DNAH6: variants seen among roughly 807,000 people sequenced by gnomAD.
The protein encoded by DNAH6 is dynein axonemal heavy chain 6.
In DNAH6, 340 loss-of-function variants were observed where a neutral mutation model predicts 491.4. That is an observed-to-expected ratio of 0.69 (90% CI 0.63 to 0.76). The LOEUF (loss-of-function observed/expected upper bound fraction) is 0.76, where lower values mean the gene tolerates loss of function less well. Among genes scored for constraint, DNAH6 ranks in the 30% least tolerant of loss-of-function variants. The probability of loss-of-function intolerance (pLI) is 0.00; values close to 1 mark genes in which losing one functional copy is unlikely to be tolerated. For missense variants in DNAH6, 4,443 were observed against 4,972.2 expected (o/e 0.89, Z 3.20); for synonymous variants, 1,603 against 1,686.1 (o/e 0.95, Z 1.21).
Position 84,814,100 on chromosome 2 carries a change from A to G in DNAH6, c.12128A>G (p.Gln4043Arg). 1 of 1,551,688 alleles carries G rather than the reference A, an allele frequency of 6.4e-7. No homozygotes were observed. The highest frequency in any genetic ancestry group is 8.7e-7 in the Non-Finnish European group (1 of 1,146,972). Residue 4043 changes from glutamine to arginine, a missense_variant, in exon 75 of 77, where the codon CAA (glutamine) becomes CGA (arginine). Gln to Arg is a conservative substitution (Grantham distance 43, BLOSUM62 1). Coordinates refer to ENST00000389394, the MANE Select transcript of DNAH6 (RefSeq NM_001370.2). Reference protein sequence around the residue: ...IEAAKTVQFGQELPMDMELPS... With the variant: ...IEAAKTVQFGRELPMDMELPS... ...GCTGCCAAGACAGTGCAATTTGGAC[A>G]AGAACTGCCCATGGACATGGAGGTA...
chr2:84,465,228 G>C, the DNAH6 span, among the ~76,000 whole-genome samples: 1 of 152,200 alleles, frequency 6.6e-6, no homozygotes, highest in Non-Finnish European at 1.5e-5. Context: ...GGGCGTGGTG[G>C]CTAACGCCTG....
chr2:84,659,374 A>G (rs1267290153), intron 37 of DNAH6, among the ~76,000 whole-genome samples: 1 of 152,166 alleles, frequency 6.6e-6, no homozygotes, highest in Non-Finnish European at 1.5e-5. Context: ...TTAAAAAAGT[A>G]AGATGTATAA....
At chr2:84,730,565 T>C (rs975590887) in intron 61 of DNAH6, among the ~76,000 whole-genome samples, 7 of 151,048 alleles carry the variant, frequency 4.6e-5, no homozygotes, top group East Asian at 1.9e-4. Context: ...AAAAAAAATC[T>C]CAAAAAAAAA....
At chr2:84,682,051 C>G (rs995003053) in intron 42 of DNAH6, among the ~76,000 whole-genome samples, 2 of 152,168 alleles carry the variant, frequency 1.3e-5, no homozygotes, top group Non-Finnish European at 2.9e-5. Flanking sequence ...GTACCCCTCC[C>G]ATTTCTCTGC....
chr2:84,640,641 T>G, intron 32 of DNAH6, 63 bp downstream of exon 32: 1 of 1,467,476 alleles, frequency 6.8e-7, no homozygotes, highest in South Asian at 1.3e-5. Flanking sequence ...ATTAAATGGG[T>G]AACTCAGGAA....
chr2:84,757,461 G>A (rs1037386243), intron 63 of DNAH6, among the ~76,000 whole-genome samples: 2 of 152,168 alleles, frequency 1.3e-5, no homozygotes, highest in African/African-American at 4.8e-5. Flanking sequence ...GATCAAAAAT[G>A]TCAAGCCAGG....
the DNAH6 span, among the ~76,000 whole-genome samples, chr2:84,499,591 T>C: frequency 6.6e-5 from 10 of 152,176 alleles, no homozygotes; most frequent in Non-Finnish European, 7.3e-5. Flanking sequence ...GTTAGCTCAA[T>C]TTTTAGTTTT....
chr2:84,795,155 A>G lies in DNAH6; in HGVS notation c.11240-1151A>G, dbSNP rs1200035348. On this transcript the variant is annotated intron_variant, in intron 68 of 76. Transcript: ENST00000389394. The stretch of plus-strand genomic sequence containing the variant: ...AGAACACATGGACACAGGAGGGGGA[A>G]CATCACTGTTGTGGGGTGGGGGGAG... Among the ~76,000 whole-genome samples the G allele has an allele frequency of 5.0e-5, 6 of 120,956 alleles. 1 individual carries two copies. The highest frequency in any genetic ancestry group is 2.0e-4 in the Admixed American group (2 of 10,088). The allele number at this position is 120,956 out of a possible 152,430, so 79.4% of individuals were successfully genotyped here. A position where few individuals can be genotyped will look rare whatever the true frequency, so the allele number is the denominator to read the frequency against.
At chr2:84,515,852 G>T (rs1675554056), upstream of DNAH6, among the ~76,000 whole-genome samples, 1 of 152,206 alleles carries the variant, frequency 6.6e-6, no homozygotes, top group Admixed American at 6.5e-5. Context: ...TCCAGGGTCT[G>T]CTTTGGTAGA....
At chr2:84,787,057 T>G in intron 67 of DNAH6, 107 bp from the exon 68 acceptor site, 1 of 778,170 alleles carries the variant, frequency 1.3e-6, no homozygotes, top group Non-Finnish European at 2.0e-6. Flanking sequence ...GATTTTGCAG[T>G]GTGGGGATGC....
intron 12 of DNAH6, among the ~76,000 whole-genome samples, chr2:84,576,075 A>G (rs1232362533): frequency 2.6e-5 from 4 of 152,242 alleles, no homozygotes; most frequent in Non-Finnish European, 5.9e-5. Flanking sequence ...ACATGATACC[A>G]TGAAAAAAGA....
intron 60 of DNAH6, among the ~76,000 whole-genome samples, chr2:84,727,117 C>T (rs1698709499): frequency 6.6e-6 from 1 of 152,108 alleles, no homozygotes; most frequent in Non-Finnish European, 1.5e-5. Context: ...ATCTCTCACC[C>T]CAAAATGCAG....
At chr2:84,620,307 G>A (rs774695237) in intron 24 of DNAH6, among the ~76,000 whole-genome samples, 3 of 152,096 alleles carry the variant, frequency 2.0e-5, no homozygotes, top group South Asian at 2.1e-4. Context: ...TGATGAGCTC[G>A]TTCAGGGGAT....
At chr2:84,808,048 A>T (rs1038762314) in intron 71 of DNAH6, among the ~76,000 whole-genome samples, 8 of 152,168 alleles carry the variant, frequency 5.3e-5, no homozygotes, top group African/African-American at 1.7e-4. Context: ...GGCTGGGAAG[A>T]TGAAAATACC....
chr2:84,668,292 A>G (rs1258716971), intron 37 of DNAH6, among the ~76,000 whole-genome samples: 1 of 152,200 alleles, frequency 6.6e-6, no homozygotes, highest in Non-Finnish European at 1.5e-5. Flanking sequence ...AGTAGAGTGA[A>G]TTGCACATAG....
intron 4 of DNAH6, among the ~76,000 whole-genome samples, chr2:84,530,969 T>C (rs529256477): frequency 1.3e-5 from 2 of 152,240 alleles, no homozygotes; most frequent in East Asian, 3.9e-4. Context: ...CAGGAGGTCC[T>C]GATGACATGT....
chr2:84,813,686 C>T (rs759727934), intron 74 of DNAH6, among the ~76,000 whole-genome samples: 1 of 152,212 alleles, frequency 6.6e-6, no homozygotes, highest in Non-Finnish European at 1.5e-5. Context: ...GAAACTGCCT[C>T]ACTGGTTTGT....
chr2:84,677,321 G>C (rs1003099137), intron 41 of DNAH6, among the ~76,000 whole-genome samples, 185 bp downstream of exon 41: 2 of 152,210 alleles, frequency 1.3e-5, no homozygotes, highest in African/African-American at 4.8e-5. Context: ...ACTGCCTTCT[G>C]TATCTGTTGG....
chr2:84,630,277 G>T (rs1251940878), intron 29 of DNAH6, among the ~76,000 whole-genome samples: 1 of 152,042 alleles, frequency 6.6e-6, no homozygotes, highest in Non-Finnish European at 1.5e-5. Flanking sequence ...AAGACTAATT[G>T]GAAAATTTAT....
Sources: allele counts gnomAD v4.1 joint callset (sites outside exome capture counted in the v4.1 genomes callset), GRCh38; gene constraint gnomAD v4.1.1; transcripts MANE v1.5; gene names NCBI Gene and HGNC (gene_info 2026-07-23, HGNC 2026-07-21).